Variants in CIMAP3 observed in about 807,000 individuals in gnomAD.
The protein encoded by CIMAP3 is ciliary microtubule associated protein 3, also known as ciliary microtubule-associated protein 3.
At chr1:111,351,237 A>G in the CIMAP3 span, 1 of 1,594,314 alleles carries the variant, frequency 6.3e-7, no homozygotes, top group Non-Finnish European at 8.6e-7. Context: ...ATATTGATCT[A>G]GAAAACGTTC....
At chr1:111,346,514 G>C in the CIMAP3 span, 26 of 1,362,278 alleles carry the variant, frequency 1.9e-5, no homozygotes, top group Non-Finnish European at 2.6e-5. Flanking sequence ...CCCAGTAGTG[G>C]CTCGGTGGAC....
chr1:111,340,846 C>G, the CIMAP3 span, among the ~76,000 whole-genome samples: 95 of 152,182 alleles, frequency 6.2e-4, no homozygotes, highest in African/African-American at 2.1e-3. Context: ...ACCCAGCCAT[C>G]CCATTACTGG....
At chr1:111,343,035 T>C in the CIMAP3 span, among the ~76,000 whole-genome samples, 1 of 152,226 alleles carries the variant, frequency 6.6e-6, no homozygotes, top group Admixed American at 6.5e-5. Context: ...ATTTTGGAAC[T>C]GGAAGTCCAT....
chr1:111,331,081 T>A, the CIMAP3 span, among the ~76,000 whole-genome samples: 1 of 152,252 alleles, frequency 6.6e-6, no homozygotes, highest in African/African-American at 2.4e-5. Flanking sequence ...AATCTAATAG[T>A]TGAATAGACA....
chr1:111,344,358 C>T, the CIMAP3 span, among the ~76,000 whole-genome samples: 1 of 152,180 alleles, frequency 6.6e-6, no homozygotes, highest in Non-Finnish European at 1.5e-5. Context: ...GTTTCCCCTT[C>T]TCCATGGCCA....
the CIMAP3 span, chr1:111,346,229 T>G: frequency 6.1e-6 from 1 of 164,210 alleles, no homozygotes; most frequent in African/African-American, 2.4e-5. Context: ...ACTCCTCTGC[T>G]GGGGCGTTGC....
the CIMAP3 span, among the ~76,000 whole-genome samples, chr1:111,328,108 C>T: frequency 6.6e-6 from 1 of 152,094 alleles, no homozygotes. Flanking sequence ...ATGATTTACC[C>T]AAAAGTCATT....
chr1:111,346,505 C>A, the CIMAP3 span: 3 of 1,243,704 alleles, frequency 2.4e-6, no homozygotes, highest in Non-Finnish European at 3.4e-6. Flanking sequence ...GGTTCCTGCC[C>A]CAGTAGTGGC....
chr1:111,342,396 C>T, the CIMAP3 span, among the ~76,000 whole-genome samples: 3 of 152,186 alleles, frequency 2.0e-5, no homozygotes, highest in Non-Finnish European at 4.4e-5. Flanking sequence ...CTTTCTCTTT[C>T]CACAAACTGA....
At chr1:111,331,673 C>A in the CIMAP3 span, among the ~76,000 whole-genome samples, 1 of 150,950 alleles carries the variant, frequency 6.6e-6, no homozygotes, top group Non-Finnish European at 1.5e-5. Context: ...ATTTTAAATT[C>A]TTTTTTGGGG....
chr1:111,347,173 A>C, the CIMAP3 span: 3 of 1,159,256 alleles, frequency 2.6e-6, no homozygotes, highest in Non-Finnish European at 3.6e-6. Context: ...CCAGCATAAG[A>C]AAGCGCTCTG....
At chr1:111,348,323 C>T in the CIMAP3 span, 1 of 490,318 alleles carries the variant, frequency 2.0e-6, no homozygotes, top group East Asian at 3.4e-5. Flanking sequence ...TATTACGTAT[C>T]ACTAGGTAGC....
chr1:111,350,726 C>G, the CIMAP3 span, among the ~76,000 whole-genome samples: 13 of 152,292 alleles, frequency 8.5e-5, no homozygotes, highest in African/African-American at 3.1e-4. Flanking sequence ...AATCTTTTGA[C>G]TTTTCTAAGC....
the CIMAP3 span, among the ~76,000 whole-genome samples, chr1:111,334,013 C>T: frequency 6.6e-6 from 1 of 152,166 alleles, no homozygotes; most frequent in Non-Finnish European, 1.5e-5. Flanking sequence ...TTTTTACTTT[C>T]ATTAATAGCT....
At chr1:111,329,516 C>CACATAT in the CIMAP3 span, among the ~76,000 whole-genome samples, 1 of 106,286 alleles carries the variant, frequency 9.4e-6, no homozygotes. Context: ...CACATAAACC[C>CACATAT]ATATATATAT....
At chr1:111,348,742 C>T in the CIMAP3 span, 1 of 1,204,384 alleles carries the variant, frequency 8.3e-7, no homozygotes, top group Non-Finnish European at 1.1e-6. Flanking sequence ...GGATGACATC[C>T]AAACCATCGC....
At chr1:111,347,009 G>T in the CIMAP3 span, 1 of 1,613,996 alleles carries the variant, frequency 6.2e-7, no homozygotes, top group African/African-American at 1.3e-5. Flanking sequence ...GTCCCTCTTA[G>T]GGGATCACCC....
At chr1:111,344,850 A>G in the CIMAP3 span, among the ~76,000 whole-genome samples, 1 of 152,254 alleles carries the variant, frequency 6.6e-6, no homozygotes, top group Non-Finnish European at 1.5e-5. Flanking sequence ...TGAACTGTAT[A>G]TACAATGGTG....
the CIMAP3 span, among the ~76,000 whole-genome samples, chr1:111,329,480 C>A: frequency 1.4e-5 from 2 of 142,400 alleles, no homozygotes; most frequent in Admixed American, 1.6e-4. Context: ...TTCAGGGATG[C>A]CAATGATTCA....
Sources: gnomAD v4.1 joint callset for allele counts (sites outside exome capture counted in the v4.1 genomes callset) on GRCh38, gnomAD v4.1.1 for gene constraint, MANE v1.5 for transcripts, NCBI Gene and HGNC (gene_info 2026-07-23, HGNC 2026-07-21) for gene names.